The following GFRA2 variants were observed in gnomAD, a reference collection of about 807,000 sequenced individuals.
GFRA2 encodes the protein GDNF family receptor alpha-2.
GFRA2 carries 17 observed loss-of-function variants against 48.3 expected under a neutral mutation model. The ratio of observed to expected loss-of-function variants is 0.35; its 90% CI spans 0.24 to 0.53. The LOEUF is 0.53. Ranked by LOEUF, GFRA2 falls within the 20% of genes least tolerant of loss-of-function variation. The pLI, the probability that GFRA2 is intolerant of heterozygous loss-of-function variation, is 0.93. For missense variants in GFRA2, 660 were observed against 637.3 expected (o/e 1.04, Z -0.38); for synonymous variants, 305 against 257.2 (o/e 1.19, Z -1.78).
At chr8:21,799,221 A>AT (rs1189175586) in intron 2 of GFRA2, among the ~76,000 whole-genome samples, 8,976 of 69,288 alleles carry the variant, frequency 0.13, 294 homozygotes, top group African/African-American at 0.16. Flanking sequence ...TGACCAGAGG[A>AT]TTTTTTTTTT....
Position 21,788,571 on chromosome 8 carries a change from C to A in GFRA2, c.-412G>T. On this transcript the variant is annotated 5_prime_UTR_variant, in exon 1 of 9. Coordinates refer to ENST00000524240, the MANE Select transcript of GFRA2 (RefSeq NM_001495.5). ...AGAGAGGCGATTTGCGAGTGAAGGG[C>A]TGGAAGGAAGCGGCGAGGGAGGGGG... The A allele has an allele frequency of 9.9e-7, 1 of 1,005,874 alleles. No homozygotes were observed. The highest frequency in any genetic ancestry group is 1.2e-6 in the Non-Finnish European group (1 of 844,106). The allele number at this position is 1,005,874 out of a possible 1,614,324, so 62.3% of individuals were successfully genotyped here.
chr8:21,749,735 AG>A (rs1805185091), intron 4 of GFRA2, among the ~76,000 whole-genome samples: 2 of 150,744 alleles, frequency 1.3e-5, no homozygotes, highest in Admixed American at 1.3e-4. Flanking sequence ...GTCTAGTTTC[AG>A]GGTGAGGAAT....
intron 4 of GFRA2, among the ~76,000 whole-genome samples, chr8:21,739,934 C>A (rs977865639): frequency 6.6e-6 from 1 of 152,234 alleles, no homozygotes; most frequent in Non-Finnish European, 1.5e-5. Context: ...TCTTCCCACA[C>A]CTGAAGGACT....
chr8:21,809,701 C>A (rs1196776858), intron 1 of GFRA2, among the ~76,000 whole-genome samples: 1 of 152,228 alleles, frequency 6.6e-6, no homozygotes, highest in African/African-American at 2.4e-5. Context: ...CATCATCGCA[C>A]TGTGTTGCCC....
intron 3 of GFRA2, among the ~76,000 whole-genome samples, chr8:21,754,471 A>C (rs1805454784): frequency 6.6e-6 from 1 of 151,672 alleles, no homozygotes; most frequent in South Asian, 2.1e-4. Flanking sequence ...CATTCACCCA[A>C]CACTTTGTCT....
At chr8:21,706,511 T>C (rs948281139) in intron 4 of GFRA2, 15 of 450,578 alleles carry the variant, frequency 3.3e-5, no homozygotes, top group East Asian at 7.0e-5. Flanking sequence ...AGATGCTTCA[T>C]AGGACCTATC....
At chr8:21,736,506 A>C (rs1209705564) in intron 4 of GFRA2, among the ~76,000 whole-genome samples, 1 of 151,380 alleles carries the variant, frequency 6.6e-6, no homozygotes, top group East Asian at 1.9e-4. Context: ...TTTTTTTTTT[A>C]ATTTTTCAGA....
At chr8:21,794,691 C>A (rs1232110646) in intron 2 of GFRA2, among the ~76,000 whole-genome samples, 1 of 152,180 alleles carries the variant, frequency 6.6e-6, no homozygotes, top group African/African-American at 2.4e-5. Context: ...TGCCCTGGGC[C>A]TGGGTCATGC....
chr8:21,698,592 G>A (rs940744461), intron 7 of GFRA2, among the ~76,000 whole-genome samples: 4 of 152,012 alleles, frequency 2.6e-5, no homozygotes, highest in Admixed American at 6.6e-5. Context: ...AAATCTCAGC[G>A]CTCCTGGCCT....
rs754491537 is a variant in GFRA2, at chr8:21,702,951, C to T, written c.1072G>A (p.Gly358Ser). 7 of 1,544,980 alleles carry T rather than the reference C, an allele frequency of 4.5e-6. No homozygotes were observed. Among genetic ancestry groups the T allele is most frequent in the African/African-American group, 1.4e-5 (1 of 71,872 alleles). ...LRNAIQAFGN[G>S]TDVNVSPKGP... ...TTTGGGGACACGTTCACGTCCGTGC[C>T]GTTGCCAAAGGCCTGGATGGCGTTC... The change falls in exon 7 of 9, where the codon GGC becomes AGC. Residue 358 changes from glycine (G) to serine (S), a missense_variant. Transcript: ENST00000524240.
chr8:21,702,557 C>T (rs944839177), intron 7 of GFRA2, among the ~76,000 whole-genome samples: 5 of 152,234 alleles, frequency 3.3e-5, no homozygotes, highest in African/African-American at 9.6e-5. Context: ...CTGTGCCCCA[C>T]TGCCTGTTCT....
chr8:21,711,620 G>T (rs983893701), intron 4 of GFRA2, among the ~76,000 whole-genome samples: 1 of 151,890 alleles, frequency 6.6e-6, no homozygotes, highest in Non-Finnish European at 1.5e-5. Flanking sequence ...TTCAGACAAT[G>T]AATATCTTTT....
At chr8:21,728,799 C>T (rs188562599) in intron 4 of GFRA2, among the ~76,000 whole-genome samples, 5 of 152,272 alleles carry the variant, frequency 3.3e-5, no homozygotes, top group African/African-American at 7.2e-5. Context: ...GAGTGGGGAC[C>T]TCAAAGGGTT....
intron 4 of GFRA2, among the ~76,000 whole-genome samples, chr8:21,726,823 G>A (rs1309554130): frequency 6.7e-6 from 1 of 149,574 alleles, no homozygotes; most frequent in Non-Finnish European, 1.5e-5. Flanking sequence ...CCTGATCTTG[G>A]CTCACTGCAA....
intron 3 of GFRA2, among the ~76,000 whole-genome samples, chr8:21,770,398 G>T (rs964288941): frequency 1.3e-5 from 2 of 152,250 alleles, no homozygotes; most frequent in Admixed American, 6.5e-5. Flanking sequence ...TCAGAGGTAG[G>T]TGTTGCCATT....
chr8:21,728,573 G>T (rs1166896815), intron 4 of GFRA2, among the ~76,000 whole-genome samples: 1 of 152,056 alleles, frequency 6.6e-6, no homozygotes, highest in Non-Finnish European at 1.5e-5. Flanking sequence ...CGGCACCCAG[G>T]CAAGAACTAG....
chr8:21,714,597 T>A (rs911937776), intron 4 of GFRA2, among the ~76,000 whole-genome samples: 1 of 152,142 alleles, frequency 6.6e-6, no homozygotes, highest in African/African-American at 2.4e-5. Flanking sequence ...AGGTTTGTCC[T>A]GGTTGCAGAA....
chr8:21,758,105 G>A (rs1402187704), intron 3 of GFRA2, among the ~76,000 whole-genome samples: 1 of 151,578 alleles, frequency 6.6e-6, no homozygotes, highest in Non-Finnish European at 1.5e-5. Flanking sequence ...CTGGCACCTG[G>A]GCATCTGGAT....
chr8:21,750,520 A>G lies in GFRA2; in HGVS notation c.794+68T>C, dbSNP rs1805235706. The G allele has an allele frequency of 1.2e-6, 1 of 865,404 alleles. No homozygotes were observed. Among genetic ancestry groups the G allele is most frequent in the Non-Finnish European group, 1.8e-6 (1 of 549,310 alleles). 53.6% of individuals were successfully genotyped at this position (865,404 alleles called of 1,614,324 possible). A position where few individuals can be genotyped will look rare whatever the true frequency, so the allele number is the denominator to read the frequency against. Reference sequence around the variant, plus strand: ...TCGATGCACCCAAGGAATGCAGAGAAAGGAAAACACAGCCTGGCAATGCAA... The same window carrying G: ...TCGATGCACCCAAGGAATGCAGAGAGAGGAAAACACAGCCTGGCAATGCAA... On this transcript the variant is annotated intron_variant, in intron 4 of 8. Coordinates refer to ENST00000524240, the MANE Select transcript of GFRA2 (RefSeq NM_001495.5). This position sits in a 1 kb window ranked among gnomAD's most constrained non-coding sequence, Gnocchi z 5.7.
Sources: gnomAD v4.1 joint callset for allele counts (sites outside exome capture counted in the v4.1 genomes callset) on GRCh38, gnomAD v4.1.1 for gene constraint, Gnocchi (gnomAD v3.1) non-coding constraint, MANE v1.5 for transcripts, NCBI Gene and HGNC (gene_info 2026-07-23, HGNC 2026-07-21) for gene names.